DSCAM: variants seen among roughly 807,000 people sequenced by gnomAD.
DSCAM encodes the protein DS cell adhesion molecule.
DSCAM carries 47 observed loss-of-function variants against 217.7 expected under a neutral mutation model. The ratio of observed to expected loss-of-function variants is 0.22; its 90% CI spans 0.17 to 0.28. The LOEUF is 0.28. DSCAM is among the 10% of genes least tolerant of loss of function. DSCAM has a pLI of 1.00. For missense variants in DSCAM, 2,080 were observed against 2,618.3 expected (o/e 0.79, Z 4.49); for synonymous variants, 1,056 against 1,015.3 (o/e 1.04, Z -0.76).
intron 21 of DSCAM, among the ~76,000 whole-genome samples, chr21:40,089,128 T>G (rs2089570830): frequency 6.6e-6 from 1 of 152,206 alleles, no homozygotes. Context: ...CTAGAGCTAC[T>G]TCATCTTCAA....
intron 3 of DSCAM, among the ~76,000 whole-genome samples, chr21:40,424,568 G>T (rs1256589532): frequency 2.0e-5 from 3 of 152,178 alleles, no homozygotes; most frequent in African/African-American, 7.2e-5. Context: ...TTTTGGAGGT[G>T]TAAGCTCCAG....
At chr21:40,675,264 TCC>T (rs2090325928) in intron 3 of DSCAM, among the ~76,000 whole-genome samples, 1 of 152,142 alleles carries the variant, frequency 6.6e-6, no homozygotes. Context: ...ATTGGCTTGA[TCC>T]ACACAAACCT....
intron 27 of DSCAM, among the ~76,000 whole-genome samples, chr21:40,067,742 TTCCCTCCCTCCCTCCC>T (rs763376801): frequency 0.29 from 11,613 of 39,780 alleles, 855 homozygotes; most frequent in East Asian, 0.4. Flanking sequence ...CCTCCCCTCA[TTCCCTCCCTCCCTCCC>T]TCCCTCCCTC....
At chr21:40,552,028 A>G (rs777450770) in intron 3 of DSCAM, among the ~76,000 whole-genome samples, 2 of 152,112 alleles carry the variant, frequency 1.3e-5, no homozygotes, top group Non-Finnish European at 2.9e-5. Flanking sequence ...TAAGAGTTCT[A>G]TTTCCAGCTG....
intron 3 of DSCAM, among the ~76,000 whole-genome samples, chr21:40,637,632 A>AATATATATATAT (rs72114529): frequency 2.8e-4 from 12 of 42,220 alleles, no homozygotes; most frequent in Non-Finnish European, 4.6e-4. Context: ...TACATATATA[A>AATATATATATAT]ATATATATAA....
chr21:40,472,807 A>G (rs955007003), intron 3 of DSCAM, among the ~76,000 whole-genome samples: 6 of 152,160 alleles, frequency 3.9e-5, no homozygotes, highest in African/African-American at 1.4e-4. Flanking sequence ...ATCCCCTTCT[A>G]GAATAACAAT....
In DSCAM at chr21:40,138,878, GGGTGTGTGTGGTGTGTAAGTGT is replaced by G. The variant is rs1293177173; in HGVS notation, c.3406+3658_3406+3679del. ...TGTGGTGTGTGTGCATGTATATGTG[GGGTGTGTGTGGTGTGTAAGTGT>G]GGTGTGTGTGGTGTGTATGTGTGGT... On this transcript the variant is annotated intron_variant, in intron 18 of 32. Coordinates refer to ENST00000400454, the MANE Select transcript of DSCAM (RefSeq NM_001389.5). 2.6e-4 allele frequency among the ~76,000 whole-genome samples: 38 copies of G among 146,080 alleles called. No homozygotes were observed. In the East Asian group the frequency reaches 6.7e-3, roughly 26 times the overall value.
intron 10 of DSCAM, among the ~76,000 whole-genome samples, chr21:40,290,004 G>A (rs914160915): frequency 5.3e-5 from 8 of 152,098 alleles, no homozygotes; most frequent in African/African-American, 1.7e-4. Context: ...AGGCAGAACC[G>A]GAGTTGGCAC....
At chr21:40,642,654 C>A (rs982390684) in intron 3 of DSCAM, among the ~76,000 whole-genome samples, 1 of 152,176 alleles carries the variant, frequency 6.6e-6, no homozygotes, top group Non-Finnish European at 1.5e-5. Context: ...GTGATTTCAA[C>A]TCACTGCAAC....
intron 9 of DSCAM, among the ~76,000 whole-genome samples, chr21:40,311,544 C>T (rs1331350352): frequency 6.6e-6 from 1 of 152,122 alleles, no homozygotes; most frequent in African/African-American, 2.4e-5. Context: ...AATTTTAAAA[C>T]GTTGCAATGG....
intron 3 of DSCAM, among the ~76,000 whole-genome samples, chr21:40,451,178 G>A (rs2075716152): frequency 6.6e-6 from 1 of 152,178 alleles, no homozygotes; most frequent in Admixed American, 6.5e-5. Context: ...GCCTGTTGAT[G>A]GCTGAGGTTA....
chr21:40,318,173 T>C (rs1220204018), intron 8 of DSCAM, among the ~76,000 whole-genome samples: 1 of 105,578 alleles, frequency 9.5e-6, no homozygotes, highest in South Asian at 3.8e-4. Context: ...CATCACATTC[T>C]GGGTACTGTT....
intron 20 of DSCAM, among the ~76,000 whole-genome samples, chr21:40,108,927 T>A (rs2089857764): frequency 6.6e-6 from 1 of 152,200 alleles, no homozygotes; most frequent in African/African-American, 2.4e-5. Context: ...TAAATGGTGC[T>A]GGGATAACTA....
At position 40,339,421 on chromosome 21, in the gene DSCAM, G is replaced by A; in HGVS notation, c.1211-6C>T. On this transcript the variant is annotated splice_polypyrimidine_tract_variant and splice_region_variant and intron_variant, in intron 6 of 32. Coordinates refer to ENST00000400454, the MANE Select transcript of DSCAM (RefSeq NM_001389.5). ...AATAATTTTGGGAGTTCCATCTGCAGGAAAACAAATTATGGAAGAAAGTGG... is the reference window on the plus strand; with the variant it reads ...AATAATTTTGGGAGTTCCATCTGCAAGAAAACAAATTATGGAAGAAAGTGG... The A allele has an allele frequency of 6.3e-7, 1 of 1,590,574 alleles. No individual in the cohort carries two copies. The highest frequency in any genetic ancestry group is 8.6e-7 in the Non-Finnish European group (1 of 1,168,358).
At chr21:40,511,709 C>A (rs8127847) in intron 3 of DSCAM, among the ~76,000 whole-genome samples, 32,025 of 151,928 alleles carry the variant, frequency 0.21, 4,178 homozygotes, top group African/African-American at 0.36. Context: ...AAAGTATTCT[C>A]GGCCGGGCGC....
intron 32 of DSCAM, among the ~76,000 whole-genome samples, chr21:40,023,266 C>A (rs2088310273): frequency 6.6e-6 from 1 of 152,054 alleles, no homozygotes; most frequent in African/African-American, 2.4e-5. Context: ...TTAATCCAAT[C>A]ATTGTTGGAC....
At chr21:40,693,107 T>C in intron 2 of DSCAM, 151 bp from the exon 3 acceptor site, 2 of 924,554 alleles carry the variant, frequency 2.2e-6, no homozygotes, top group Non-Finnish European at 3.1e-6. Flanking sequence ...ATTTCACGTC[T>C]TTCATCGCCT....
At chr21:40,698,827 G>C (rs1456083885) in intron 2 of DSCAM, among the ~76,000 whole-genome samples, 1 of 143,798 alleles carries the variant, frequency 7.0e-6, no homozygotes, top group African/African-American at 2.6e-5. Flanking sequence ...CTGAGATTGC[G>C]CCAATGCACT....
intron 1 of DSCAM, among the ~76,000 whole-genome samples, chr21:40,724,289 C>A (rs536950420): frequency 6.6e-6 from 1 of 152,196 alleles, no homozygotes; most frequent in Admixed American, 6.5e-5. Context: ...CATGAATAAA[C>A]CAAAATGATG....
Sources: gnomAD v4.1 joint callset for allele counts (sites outside exome capture counted in the v4.1 genomes callset) on GRCh38, gnomAD v4.1.1 for gene constraint, MANE v1.5 for transcripts, NCBI Gene and HGNC (gene_info 2026-07-23, HGNC 2026-07-21) for gene names.